Variants in CNTNAP5 observed in about 807,000 individuals in gnomAD.
CNTNAP5 encodes contactin-associated protein-like 5.
Under a neutral mutation model 150.2 loss-of-function variants are expected in CNTNAP5, and 72 were observed. The ratio of observed to expected loss-of-function variants is 0.48; its 90% CI spans 0.40 to 0.58. CNTNAP5 has a LOEUF of 0.58. CNTNAP5 is among the 20% of genes least tolerant of loss of function. CNTNAP5 has a pLI of 0.00. For missense variants in CNTNAP5, 1,636 were observed against 1,626.2 expected, an observed-to-expected ratio of 1.01 and a Z score of -0.10; for synonymous variants, 672 against 619.8, an observed-to-expected ratio of 1.08 and a Z score of -1.25.
intron 22 of CNTNAP5, 108 bp downstream of exon 22, chr2:124,903,208 T>C (rs562402046): frequency 1.6e-6 from 1 of 626,740 alleles, no homozygotes; most frequent in African/African-American, 1.8e-5. Context: ...AGTTTTTACT[T>C]TGTATAATAA....
intron 12 of CNTNAP5, among the ~76,000 whole-genome samples, chr2:124,642,700 A>G (rs556975792): frequency 1.3e-5 from 2 of 152,328 alleles, no homozygotes; most frequent in Admixed American, 6.5e-5. Context: ...TTGTGTACAC[A>G]ACTTTCTCCC....
chr2:124,058,618 T>C (rs1334135670), intron 1 of CNTNAP5, among the ~76,000 whole-genome samples: 5 of 152,150 alleles, frequency 3.3e-5, no homozygotes, highest in African/African-American at 1.2e-4. Flanking sequence ...TGCATTTAAA[T>C]GTTTGGTAAT....
intron 3 of CNTNAP5, among the ~76,000 whole-genome samples, chr2:124,302,404 G>C (rs1688586883): frequency 1.3e-5 from 2 of 152,124 alleles, no homozygotes; most frequent in Admixed American, 6.5e-5. Flanking sequence ...AATGCATTTG[G>C]CTTATGGGTC....
intron 16 of CNTNAP5, among the ~76,000 whole-genome samples, chr2:124,771,546 G>A (rs979192013): frequency 6.6e-6 from 1 of 152,052 alleles, no homozygotes; most frequent in Non-Finnish European, 1.5e-5. Flanking sequence ...TTCTCATAGG[G>A]TGGTTTTGTG....
intron 2 of CNTNAP5, among the ~76,000 whole-genome samples, chr2:124,223,141 T>C (rs1254670198): frequency 1.3e-5 from 2 of 152,132 alleles, no homozygotes; most frequent in Non-Finnish European, 2.9e-5. Flanking sequence ...GAGGCATCAG[T>C]TTCCCAAGAC....
At chr2:124,835,103 A>T (rs1415957447) in intron 19 of CNTNAP5, among the ~76,000 whole-genome samples, 1 of 152,148 alleles carries the variant, frequency 6.6e-6, no homozygotes, top group South Asian at 2.1e-4. Flanking sequence ...CTACCAATAG[A>T]TACTTAAATG....
At chr2:124,061,361 A>C (rs1213939) in intron 1 of CNTNAP5, among the ~76,000 whole-genome samples, 149,417 of 152,284 alleles carry the variant, frequency 0.98, 73,368 homozygotes, top group South Asian at 1. Flanking sequence ...GTAATCCTCT[A>C]AATTTATATT....
intron 4 of CNTNAP5, among the ~76,000 whole-genome samples, chr2:124,429,565 T>C (rs940916699): frequency 2.6e-5 from 4 of 152,156 alleles, no homozygotes; most frequent in Non-Finnish European, 5.9e-5. Context: ...TTGTGTGCAA[T>C]GTAATTAATA....
At chr2:124,331,525 CT>C (rs1403139959) in intron 3 of CNTNAP5, among the ~76,000 whole-genome samples, 1 of 151,348 alleles carries the variant, frequency 6.6e-6, no homozygotes, top group Non-Finnish European at 1.5e-5. Flanking sequence ...AGGTGCTATT[CT>C]GGAACTTCCA....
At chr2:124,421,227 G>C (rs1353314658) in intron 4 of CNTNAP5, among the ~76,000 whole-genome samples, 1 of 152,158 alleles carries the variant, frequency 6.6e-6, no homozygotes, top group Non-Finnish European at 1.5e-5. Context: ...CCTCAGAGAT[G>C]ATGTATGCAG....
intron 13 of CNTNAP5, among the ~76,000 whole-genome samples, chr2:124,721,893 GT>G (rs987708968): frequency 1.3e-5 from 2 of 151,738 alleles, no homozygotes; most frequent in East Asian, 1.9e-4. Context: ...TGGCAGAAAT[GT>G]TTTTTTTCCA....
intron 4 of CNTNAP5, among the ~76,000 whole-genome samples, chr2:124,419,895 GTT>G (rs1553466610): frequency 1.0e-5 from 1 of 98,880 alleles, no homozygotes; most frequent in African/African-American, 3.7e-5. Context: ...GACTGGATTG[GTT>G]TTCTTTCTTT....
At chr2:124,638,064 A>ATG (rs1491294188) in intron 12 of CNTNAP5, among the ~76,000 whole-genome samples, 88 of 151,282 alleles carry the variant, frequency 5.8e-4, no homozygotes, top group African/African-American at 2.0e-3. Flanking sequence ...GTGTGTGTGC[A>ATG]TGTGTGTGTG....
chr2:124,917,321 T>C lies in CNTNAP5; in HGVS notation c.*3033T>C, dbSNP rs1352741179. ...TTTAATGGAGCTGTTTCATTGATAT[T>C]TTTTTCCACCAAACAAATCTATTTA... On this transcript the variant is annotated 3_prime_UTR_variant, in exon 24 of 24. Transcript: ENST00000682447. 6.6e-6 allele frequency among the ~76,000 whole-genome samples: 1 copy of C among 152,096 alleles called. No individual in the cohort carries two copies. The highest frequency in any genetic ancestry group is 2.4e-5 in the African/African-American group (1 of 41,452).
intron 1 of CNTNAP5, among the ~76,000 whole-genome samples, chr2:124,080,352 G>A (rs1047374731): frequency 4.6e-5 from 7 of 152,000 alleles, no homozygotes; most frequent in Non-Finnish European, 4.4e-5. Context: ...TGTATAAGAC[G>A]GTCTTGTTCC....
chr2:124,386,991 G>C (rs1292878942), intron 3 of CNTNAP5, among the ~76,000 whole-genome samples: 1 of 152,192 alleles, frequency 6.6e-6, no homozygotes, highest in Non-Finnish European at 1.5e-5. Context: ...TGTGAGGATA[G>C]AGCAAGAAGA....
chr2:124,582,666 C>T (rs541353929), intron 11 of CNTNAP5, among the ~76,000 whole-genome samples: 1 of 152,086 alleles, frequency 6.6e-6, no homozygotes, highest in East Asian at 1.9e-4. Flanking sequence ...TTTCAAAGGG[C>T]TCAAAATTTA....
At chr2:124,247,110 A>G (rs1047171342) in intron 3 of CNTNAP5, among the ~76,000 whole-genome samples, 1 of 152,080 alleles carries the variant, frequency 6.6e-6, no homozygotes, top group Non-Finnish European at 1.5e-5. Flanking sequence ...GTGACTTCCA[A>G]ATTCTCTGGG....
intron 4 of CNTNAP5, among the ~76,000 whole-genome samples, chr2:124,419,067 G>T (rs960498992): frequency 7.1e-6 from 1 of 141,656 alleles, no homozygotes; most frequent in African/African-American, 2.6e-5. Context: ...CCGGGAAGCG[G>T]AGCTTGCAGT....
Sources: allele counts gnomAD v4.1 joint callset (sites outside exome capture counted in the v4.1 genomes callset), GRCh38; gene constraint gnomAD v4.1.1; transcripts MANE v1.5; gene names NCBI Gene and HGNC (gene_info 2026-07-23, HGNC 2026-07-21).